Variants in FLYWCH1 observed in about 807,000 individuals in gnomAD.
FLYWCH1 encodes the protein FLYWCH-type zinc finger 1, also known as FLYWCH-type zinc finger-containing protein 1.
A neutral mutation model predicts 66.4 loss-of-function variants in FLYWCH1; 75 were observed. The ratio of observed to expected loss-of-function variants is 1.13; its 90% CI spans 0.94 to 1.37. FLYWCH1 has a LOEUF of 1.37. Ranked by LOEUF, FLYWCH1 falls within the 40% of genes most tolerant of loss-of-function variation. The pLI is 0.00. For missense variants in FLYWCH1, 1,334 were observed against 1,001.8 expected (o/e 1.33, Z -4.48); for synonymous variants, 595 against 429.9 (o/e 1.38, Z -4.75).
intron 9 of FLYWCH1, among the ~76,000 whole-genome samples, chr16:2,940,650 G>C (rs1226391070): frequency 6.6e-6 from 1 of 152,130 alleles, no homozygotes; most frequent in Admixed American, 6.5e-5. Flanking sequence ...TGGCCAGGCT[G>C]AGTCTCAAAC....
chr16:2,945,166 G>A (rs886820243), intron 9 of FLYWCH1, among the ~76,000 whole-genome samples: 12 of 151,754 alleles, frequency 7.9e-5, no homozygotes, highest in African/African-American at 2.4e-4. Flanking sequence ...CCTGGCCAAC[G>A]TGAAGAAACT....
chr16:2,928,407 T>A (rs1419380922), intron 2 of FLYWCH1, among the ~76,000 whole-genome samples: 1 of 152,186 alleles, frequency 6.6e-6, no homozygotes, highest in Non-Finnish European at 1.5e-5. Context: ...TACCTAGGCT[T>A]TCTTGGGCGG....
chr16:2,938,206 C>G lies in FLYWCH1; in HGVS notation c.1800C>G (p.Phe600Leu), dbSNP rs571469602. Residue 600 changes from phenylalanine (F) to leucine (L), a missense_variant, in exon 8 of 10, where the codon TTC (phenylalanine) becomes TTG (leucine). Physicochemically the swap from Phe to Leu is conservative, Grantham distance 22. Coordinates refer to ENST00000253928, the MANE Select transcript of FLYWCH1 (RefSeq NM_001308068.2). ...CAGATCCTCTCCGGCCCCTGGAGTT[C>G]CTGAGGACTTCCCTGGGGGGCAGGT... ...DSPDPLRPLE[F>L]LRTSLGGRFL... is the part of the protein sequence containing the mutation. 179 of 1,612,984 alleles carry G rather than the reference C, an allele frequency of 1.1e-4. No homozygotes were observed. Among genetic ancestry groups the G allele is most frequent in the South Asian group, 5.3e-4 (48 of 91,024 alleles).
intron 4 of FLYWCH1, among the ~76,000 whole-genome samples, chr16:2,932,639 A>G (rs564211465): frequency 6.6e-6 from 1 of 152,196 alleles, no homozygotes; most frequent in African/African-American, 2.4e-5. Context: ...CTTATTTTTC[A>G]CTGTGATCTT....
chr16:2,935,914 CT>C (rs531179302), intron 6 of FLYWCH1: 450 of 143,326 alleles, frequency 3.1e-3, no homozygotes, highest in Admixed American at 3.7e-3. Context: ...ATGAGGGCGT[CT>C]TTTTTTTTTT....
chr16:2,940,066 T>C lies in FLYWCH1; in HGVS notation c.2085T>C (p.Cys695=). 6.6e-7 allele frequency: 1 copy of C among 1,524,444 alleles called. No individual in the cohort carries two copies. The allele number at this position is 1,524,444 out of a possible 1,614,324, so 94.4% of individuals were successfully genotyped here. The change falls in exon 9 of 10, where the codon TGT becomes TGC. Residue 695 remains cysteine (C), a synonymous_variant. Coordinates refer to ENST00000253928, the MANE Select transcript of FLYWCH1 (RefSeq NM_001308068.2). The stretch of plus-strand genomic sequence containing the variant: ...AAGTTCAGCTGTGCTTCAAGACGTG[T>C]TCTCCTGAAAGCCAGCAGATTTATG... ...KIQVQLCFKT[C]SPESQQIYGD...
chr16:2,918,594 A>C (rs113445844), intron 2 of FLYWCH1, among the ~76,000 whole-genome samples: 42,591 of 151,296 alleles, frequency 0.28, 6,097 homozygotes, highest in African/African-American at 0.3. Context: ...GCATGCACCA[A>C]CATGACCATC....
chr16:2,947,606 C>T (rs1357765357), intron 9 of FLYWCH1, among the ~76,000 whole-genome samples: 1 of 151,622 alleles, frequency 6.6e-6, no homozygotes, highest in Admixed American at 6.6e-5. Flanking sequence ...ACTAAAAATA[C>T]AAAAAATTAG....
At chr16:2,931,841 C>T (rs1290471949) in intron 4 of FLYWCH1, among the ~76,000 whole-genome samples, 1 of 151,772 alleles carries the variant, frequency 6.6e-6, no homozygotes, top group African/African-American at 2.4e-5. Context: ...AGGCTGGGCG[C>T]TTTGGCTCAC....
chr16:2,925,769 C>T (rs943882093), intron 2 of FLYWCH1, among the ~76,000 whole-genome samples: 1 of 152,102 alleles, frequency 6.6e-6, no homozygotes, highest in Non-Finnish European at 1.5e-5. Flanking sequence ...GTGGGACTGG[C>T]CCTCCTGGTA....
chr16:2,939,443 T>G (rs2071166153), intron 8 of FLYWCH1, among the ~76,000 whole-genome samples: 1 of 142,594 alleles, frequency 7.0e-6, no homozygotes, highest in South Asian at 2.2e-4. Context: ...GCAACAAGAG[T>G]GAAACTCCAT....
intron 2 of FLYWCH1, chr16:2,922,590 C>T: frequency 6.1e-6 from 2 of 329,982 alleles, no homozygotes; most frequent in South Asian, 5.1e-5. Flanking sequence ...CCTGGCATGT[C>T]GTATGTTGCA....
Position 2,937,275 on chromosome 16 carries a change from C to A in FLYWCH1, c.1668C>A (p.Gly556=). The A allele has an allele frequency of 6.2e-7, 1 of 1,605,644 alleles. No individual in the cohort carries two copies. ...GCCGCAGCCGCGCCATCACCCAGGG[C>A]CGGCGGGTCATGGTCATGCGCAGGC... ...MGCRSRAITQ[G]RRVMVMRRHC... is the part of the protein sequence containing the mutation. The change falls in exon 7 of 10, where the codon GGC becomes GGA. Residue 556 remains glycine, a synonymous_variant. Coordinates refer to ENST00000253928, the MANE Select transcript of FLYWCH1 (RefSeq NM_001308068.2).
Position 2,937,345 on chromosome 16 carries a change from CG to C in FLYWCH1, c.1741del (p.Glu581SerfsTer21). ...DLGGLEALRQREHFPNLAQWD... is the reference protein window; with the variant it reads ...DLGGLEALRQXEHFPNLAQWD... ...GGGCGGCCTGGAGGCCCTGCGGCAG[CG>C]GGAGCACTTCCCCAACCTGGCGCAG... On this transcript the variant is annotated frameshift_variant, in exon 7 of 10. Coordinates refer to ENST00000253928, the MANE Select transcript of FLYWCH1 (RefSeq NM_001308068.2). LOFTEE classifies it high-confidence loss of function. 1 of 1,593,172 alleles carries C rather than the reference CG, an allele frequency of 6.3e-7. No individual in the cohort carries two copies. The highest frequency in any genetic ancestry group is 8.5e-7 in the Non-Finnish European group (1 of 1,169,990).
intron 2 of FLYWCH1, chr16:2,923,092 G>T (rs564525144): frequency 2.1e-4 from 87 of 417,148 alleles, no homozygotes; most frequent in African/African-American, 1.5e-3. Context: ...AGTTTGTTTT[G>T]TGTGTGTGGC....
intron 4 of FLYWCH1, among the ~76,000 whole-genome samples, chr16:2,931,990 C>T (rs994435327): frequency 1.3e-5 from 2 of 151,838 alleles, no homozygotes; most frequent in Non-Finnish European, 2.9e-5. Flanking sequence ...TGGTAGCGGG[C>T]GCCTGTAGTC....
chr16:2,941,320 A>G (rs190979271), intron 9 of FLYWCH1, among the ~76,000 whole-genome samples: 20 of 152,278 alleles, frequency 1.3e-4, no homozygotes, highest in Admixed American at 5.9e-4. Context: ...GAGCCAAAGA[A>G]GATAATTATA....
chr16:2,929,105 C>A (rs1400086868), intron 2 of FLYWCH1, among the ~76,000 whole-genome samples: 1 of 152,204 alleles, frequency 6.6e-6, no homozygotes, highest in African/African-American at 2.4e-5. Flanking sequence ...TGCCTGGCGT[C>A]CTGGTGAAGC....
chr16:2,933,474 CT>C lies in FLYWCH1; in HGVS notation c.1142del (p.Leu381ArgfsTer42). 1.9e-6 allele frequency: 3 copies of C among 1,604,976 alleles called. No homozygotes were observed. The highest frequency in any genetic ancestry group is 2.6e-6 in the Non-Finnish European group (3 of 1,176,308). ...GCTCTACCGCAGGGGTCCGGGTCCC[CT>C]GACTCTCACCAGGCCTCGGCCCAGA... ...SLLYRRGPGP[L>X]TLTRPRPRKR... On this transcript the variant is annotated frameshift_variant, in exon 5 of 10. Coordinates refer to ENST00000253928, the MANE Select transcript of FLYWCH1 (RefSeq NM_001308068.2). LOFTEE classifies it high-confidence loss of function.
Sources: gnomAD v4.1 joint callset for allele counts (sites outside exome capture counted in the v4.1 genomes callset) on GRCh38, gnomAD v4.1.1 for gene constraint, MANE v1.5 for transcripts, NCBI Gene and HGNC (gene_info 2026-07-23, HGNC 2026-07-21) for gene names.